CTTNBP2: variants seen among roughly 807,000 people sequenced by gnomAD.
CTTNBP2 encodes cortactin-binding protein 2.
In CTTNBP2, 108 loss-of-function variants were observed where a neutral mutation model predicts 156.9. That is an observed-to-expected ratio of 0.69 (90% CI 0.59 to 0.81). The LOEUF (loss-of-function observed/expected upper bound fraction) is 0.81, where lower values mean the gene tolerates loss of function less well. Ranked by LOEUF, CTTNBP2 falls within the 30% of genes least tolerant of loss-of-function variation. CTTNBP2 has a pLI of 0.00. For synonymous variants in CTTNBP2, 767 were observed against 751.8 expected (o/e 1.02, Z -0.33); for missense variants, 1,924 against 2,035.4 (o/e 0.95, Z 1.05).
At chr7:117,738,165 T>C (rs144989253) in intron 14 of CTTNBP2, among the ~76,000 whole-genome samples, 93 of 152,318 alleles carry the variant, frequency 6.1e-4, no homozygotes, top group Admixed American at 1.4e-3. Flanking sequence ...TCTCAGCGCT[T>C]CTGATTTAAT....
chr7:117,775,548 A>G (rs1798048637), intron 8 of CTTNBP2, among the ~76,000 whole-genome samples: 1 of 150,252 alleles, frequency 6.7e-6, no homozygotes, highest in African/African-American at 2.5e-5. Context: ...CAGTAGCCGA[A>G]CATCCTAGAT....
intron 22 of CTTNBP2, among the ~76,000 whole-genome samples, chr7:117,712,668 AATCTGGCTTC>A (rs1486211248): frequency 2.0e-5 from 3 of 152,182 alleles, no homozygotes; most frequent in African/African-American, 7.2e-5. Flanking sequence ...TAACAGGAAA[AATCTGGCTTC>A]ATCTGGCAGT....
At chr7:117,719,405 T>C in intron 21 of CTTNBP2, 99 bp downstream of exon 21, 1 of 1,127,332 alleles carries the variant, frequency 8.9e-7, no homozygotes, top group Non-Finnish European at 1.2e-6. Context: ...TCATTAACCA[T>C]ACTATCAATA....
At position 117,728,206 on chromosome 7, in the gene CTTNBP2, G is replaced by C; in HGVS notation, c.3938C>G (p.Ser1313Cys). The change falls in exon 17 of 23, where the codon TCC becomes TGC. Residue 1313 changes from serine to cysteine, a missense_variant. By Grantham distance (112) the Ser-to-Cys change is moderately radical. Coordinates refer to ENST00000160373, the MANE Select transcript of CTTNBP2 (RefSeq NM_033427.3). ...GCAGGAGTTAAGCTGACGCCAGACG[G>C]ACAGAGCCCAGTCGACAATCTTGCA... ...PVCKIVDWAL[S>C]VWRQLNSCLA... 1.2e-6 allele frequency: 2 copies of C among 1,614,198 alleles called. No individual in the cohort carries two copies. Among genetic ancestry groups the C allele is most frequent in the Non-Finnish European group, 1.7e-6 (2 of 1,179,996 alleles).
intron 1 of CTTNBP2, among the ~76,000 whole-genome samples, chr7:117,865,343 T>C (rs964552317): frequency 6.6e-6 from 1 of 151,634 alleles, no homozygotes; most frequent in African/African-American, 2.4e-5. Context: ...TTTTTAGTGA[T>C]GAAAAGAAAC....
chr7:117,833,551 T>C (rs1032363253), intron 2 of CTTNBP2, among the ~76,000 whole-genome samples: 35 of 152,212 alleles, frequency 2.3e-4, no homozygotes, highest in African/African-American at 8.2e-4. Flanking sequence ...AGAGCCACAG[T>C]GTCTAGATTG....
intron 9 of CTTNBP2, 27 bp downstream of exon 9, chr7:117,767,032 A>G: frequency 8.1e-7 from 1 of 1,231,390 alleles, no homozygotes; most frequent in Non-Finnish European, 1.2e-6. Flanking sequence ...GGGGAAAGAT[A>G]AACAATAAGC....
At chr7:117,815,586 G>C (rs1300118995) in intron 2 of CTTNBP2, among the ~76,000 whole-genome samples, 1 of 152,030 alleles carries the variant, frequency 6.6e-6, no homozygotes, top group Non-Finnish European at 1.5e-5. Flanking sequence ...CCAACAACAG[G>C]CTCCCCACTA....
intron 14 of CTTNBP2, among the ~76,000 whole-genome samples, chr7:117,736,761 T>A (rs949613919): frequency 6.6e-6 from 1 of 152,216 alleles, no homozygotes; most frequent in Non-Finnish European, 1.5e-5. Context: ...AGTTAAAATG[T>A]ATTCTATATG....
intron 2 of CTTNBP2, among the ~76,000 whole-genome samples, chr7:117,855,623 A>C (rs1185543922): frequency 2.0e-5 from 3 of 152,210 alleles, no homozygotes; most frequent in Non-Finnish European, 4.4e-5. Context: ...CAAACAGCAA[A>C]AAATAAATGG....
intron 10 of CTTNBP2, 162 bp downstream of exon 10, chr7:117,760,273 A>C: frequency 1.6e-6 from 1 of 636,232 alleles, no homozygotes; most frequent in Non-Finnish European, 2.7e-6. Context: ...GCAACATTAC[A>C]TAATGGCTAC....
intron 3 of CTTNBP2, among the ~76,000 whole-genome samples, chr7:117,808,047 TAC>T (rs1563027910): frequency 2.6e-5 from 4 of 152,218 alleles, no homozygotes; most frequent in Non-Finnish European, 1.5e-5. Flanking sequence ...CTGTATCTAA[TAC>T]ACACAGTTAT....
At chr7:117,835,965 C>T (rs1044541343) in intron 2 of CTTNBP2, among the ~76,000 whole-genome samples, 2 of 152,140 alleles carry the variant, frequency 1.3e-5, no homozygotes, top group Non-Finnish European at 2.9e-5. Context: ...CACGGGATTA[C>T]TATAAGGCTT....
intron 1 of CTTNBP2, among the ~76,000 whole-genome samples, chr7:117,865,671 C>CAAAA (rs61533705): frequency 3.3e-3 from 245 of 74,402 alleles, no homozygotes; most frequent in East Asian, 0.022. Flanking sequence ...ACTCCATCTC[C>CAAAA]AAAAAAAAAA....
intron 4 of CTTNBP2, 149 bp downstream of exon 4, chr7:117,790,979 A>G: frequency 1.5e-6 from 1 of 674,574 alleles, no homozygotes; most frequent in South Asian, 2.1e-5. Flanking sequence ...TAAAAAAAAT[A>G]CAAAAAAAGA....
At chr7:117,736,826 A>G (rs1178195435) in intron 14 of CTTNBP2, among the ~76,000 whole-genome samples, 3 of 152,196 alleles carry the variant, frequency 2.0e-5, no homozygotes, top group African/African-American at 7.2e-5. Flanking sequence ...TTTCTTGAAG[A>G]TTCTAAGATG....
intron 11 of CTTNBP2, among the ~76,000 whole-genome samples, chr7:117,757,261 G>T (rs1183569669): frequency 6.6e-6 from 1 of 152,122 alleles, no homozygotes. Context: ...ATCCATAGCT[G>T]TTTAGCATCA....
At chr7:117,724,471 A>C in intron 19 of CTTNBP2, 76 bp downstream of exon 19, 1 of 1,236,862 alleles carries the variant, frequency 8.1e-7, no homozygotes, top group Admixed American at 2.4e-5. Flanking sequence ...ATAAAAATGA[A>C]AGCATATTTG....
chr7:117,833,337 T>C (rs1298158020), intron 2 of CTTNBP2, among the ~76,000 whole-genome samples: 3 of 152,240 alleles, frequency 2.0e-5, no homozygotes, highest in Non-Finnish European at 4.4e-5. Context: ...TGGCATGCTT[T>C]GCCTCCTGTT....
Sources: gnomAD v4.1 joint callset for allele counts (sites outside exome capture counted in the v4.1 genomes callset) on GRCh38, gnomAD v4.1.1 for gene constraint, MANE v1.5 for transcripts, NCBI Gene and HGNC (gene_info 2026-07-23, HGNC 2026-07-21) for gene names.